QKI: variants seen among roughly 807,000 people sequenced by gnomAD.
The protein encoded by QKI is QKI, KH domain containing RNA binding, also known as KH domain-containing RNA-binding protein QKI.
In QKI, 10 loss-of-function variants were observed where a neutral mutation model predicts 39.0. The ratio of observed to expected loss-of-function variants is 0.26; its 90% CI spans 0.16 to 0.43. QKI has a LOEUF of 0.43. QKI is among the 20% of genes least tolerant of loss of function. The probability of loss-of-function intolerance (pLI) is 1.00; values close to 1 mark genes in which losing one functional copy is unlikely to be tolerated. For synonymous variants in QKI, 204 were observed against 155.4 expected, an observed-to-expected ratio of 1.31 and a Z score of -2.33; for missense variants, 218 against 428.0, an observed-to-expected ratio of 0.51 and a Z score of 4.33.
intron 5 of QKI, among the ~76,000 whole-genome samples, chr6:163,562,437 G>A (rs1156877036): frequency 6.6e-6 from 1 of 152,218 alleles, no homozygotes; most frequent in African/African-American, 2.4e-5. Context: ...TTTTGAAAAA[G>A]TGAATTTGAA....
intron 3 of QKI, among the ~76,000 whole-genome samples, chr6:163,494,194 G>A (rs145092150): frequency 6.6e-6 from 1 of 152,126 alleles, no homozygotes; most frequent in Non-Finnish European, 1.5e-5. Context: ...TAAAAAATAT[G>A]GTACAATGAT....
In QKI at chr6:163,458,588, T is replaced by C. The variant is rs73784406; in HGVS notation, c.285+3167T>C. ...GCACCTTACTTACAGAAGTCAGTGT[T>C]AAGTTAGAGATGTGTTTTGGACTTG... On this transcript the variant is annotated intron_variant, in intron 2 of 7. Coordinates refer to ENST00000361752, the MANE Select transcript of QKI (RefSeq NM_006775.3). Among the ~76,000 whole-genome samples, 515 of 152,344 alleles carry C rather than the reference T, an allele frequency of 3.4e-3. 4 individuals are homozygous for C. The highest frequency in any genetic ancestry group is 0.012 in the African/African-American group (485 of 41,566).
intron 1 of QKI, among the ~76,000 whole-genome samples, chr6:163,431,119 ATTGT>A (rs1278313746): frequency 6.6e-6 from 1 of 152,132 alleles, no homozygotes. Context: ...TTAAACAATA[ATTGT>A]TTGGGAATCT....
At chr6:163,417,249 G>C (rs1413905529) in intron 1 of QKI, among the ~76,000 whole-genome samples, 2 of 152,054 alleles carry the variant, frequency 1.3e-5, no homozygotes, top group Admixed American at 1.3e-4. Context: ...AATTTCTGGT[G>C]AAAGTTTGTT....
At chr6:163,468,995 G>GCA (rs1465778689) in intron 2 of QKI, among the ~76,000 whole-genome samples, 1 of 151,922 alleles carries the variant, frequency 6.6e-6, no homozygotes, top group Non-Finnish European at 1.5e-5. Flanking sequence ...CTGATGGCTT[G>GCA]CACCTTAACA....
chr6:163,449,521 C>CT (rs771167788), intron 1 of QKI, among the ~76,000 whole-genome samples: 31 of 152,172 alleles, frequency 2.0e-4, no homozygotes, highest in Non-Finnish European at 4.4e-5. Flanking sequence ...TACCACAACA[C>CT]TAAGTATAAG....
chr6:163,428,521 TA>T (rs1306419076), intron 1 of QKI, among the ~76,000 whole-genome samples: 1 of 152,164 alleles, frequency 6.6e-6, no homozygotes, highest in Non-Finnish European at 1.5e-5. Context: ...ATCATAGTAA[TA>T]AAAAATTATC....
At chr6:163,513,161 T>C (rs1779589584) in intron 3 of QKI, among the ~76,000 whole-genome samples, 1 of 152,170 alleles carries the variant, frequency 6.6e-6, no homozygotes, top group Non-Finnish European at 1.5e-5. Context: ...GTATATAGTG[T>C]TTGGTACTGT....
At chr6:163,519,010 T>G (rs567498050) in intron 3 of QKI, among the ~76,000 whole-genome samples, 3 of 152,210 alleles carry the variant, frequency 2.0e-5, no homozygotes, top group Non-Finnish European at 4.4e-5. Context: ...TCTTTTCTTT[T>G]TAGAGTAGCA....
chr6:163,562,563 G>T (rs1455343071), intron 5 of QKI, among the ~76,000 whole-genome samples: 2 of 152,054 alleles, frequency 1.3e-5, no homozygotes, highest in African/African-American at 4.8e-5. Context: ...AGATCAGTGG[G>T]TGATAACTCT....
intron 1 of QKI, among the ~76,000 whole-genome samples, chr6:163,429,865 T>G (rs1244068766): frequency 6.6e-6 from 1 of 152,194 alleles, no homozygotes; most frequent in East Asian, 1.9e-4. Flanking sequence ...CACTAAAGCT[T>G]CAAATTCATT....
chr6:163,420,411 G>A (rs979965036), intron 1 of QKI, among the ~76,000 whole-genome samples: 1 of 151,896 alleles, frequency 6.6e-6, no homozygotes, highest in South Asian at 2.1e-4. Context: ...GTTGGTTTTT[G>A]TTTGTTGATA....
intron 3 of QKI, among the ~76,000 whole-genome samples, chr6:163,495,167 G>T (rs561945163): frequency 6.6e-6 from 1 of 152,018 alleles, no homozygotes; most frequent in African/African-American, 2.4e-5. Context: ...TGCCTGCCTC[G>T]GCCTCCCAAA....
chr6:163,456,704 TACAC>T (rs1790946303), intron 2 of QKI, among the ~76,000 whole-genome samples: 2 of 152,248 alleles, frequency 1.3e-5, no homozygotes, highest in East Asian at 3.9e-4. Flanking sequence ...TGGTTGCAAA[TACAC>T]AAATAGTCTT....
intron 1 of QKI, among the ~76,000 whole-genome samples, chr6:163,436,194 A>T (rs1789255807): frequency 6.6e-6 from 1 of 152,202 alleles, no homozygotes; most frequent in African/African-American, 2.4e-5. Context: ...GCTGATGTAA[A>T]ATATAAAAAT....
chr6:163,568,318 C>A (rs908622700), intron 7 of QKI: 1 of 985,000 alleles, frequency 1.0e-6, no homozygotes, highest in East Asian at 1.1e-4. Context: ...TGCTTTAACA[C>A]AATAATTATT....
At chr6:163,565,198 G>C in intron 6 of QKI, 1 of 989,826 alleles carries the variant, frequency 1.0e-6, no homozygotes, top group Non-Finnish European at 1.2e-6. Flanking sequence ...AAAATAACAT[G>C]TAACCTGTAA....
At chr6:163,496,378 T>A (rs1264213729) in intron 3 of QKI, among the ~76,000 whole-genome samples, 2 of 107,440 alleles carry the variant, frequency 1.9e-5, no homozygotes, top group Non-Finnish European at 3.8e-5. Flanking sequence ...ATTTTATAGA[T>A]GAGGAAATGA....
intron 3 of QKI, among the ~76,000 whole-genome samples, chr6:163,489,139 A>G (rs1378978721): frequency 6.6e-6 from 1 of 151,774 alleles, no homozygotes; most frequent in Non-Finnish European, 1.5e-5. Flanking sequence ...GGGAGTGTAT[A>G]AAGAATAGCC....
Sources: gnomAD v4.1 joint callset for allele counts (sites outside exome capture counted in the v4.1 genomes callset) on GRCh38, gnomAD v4.1.1 for gene constraint, MANE v1.5 for transcripts, NCBI Gene and HGNC (gene_info 2026-07-23, HGNC 2026-07-21) for gene names.